Variants in UNC5C observed in about 807,000 individuals in gnomAD.
UNC5C encodes the protein netrin receptor UNC5C.
A neutral mutation model predicts 99.8 loss-of-function variants in UNC5C; 47 were observed. The observed-to-expected ratio is 0.47, with a 90% CI of 0.37 to 0.60. The LOEUF (loss-of-function observed/expected upper bound fraction) is 0.60. Among genes scored for constraint, UNC5C ranks in the 20% least tolerant of loss-of-function variants. The pLI, the probability that UNC5C is intolerant of heterozygous loss-of-function variation, is 0.00. For missense variants in UNC5C, 1,062 were observed against 1,165.9 expected (o/e 0.91, Z 1.30); for synonymous variants, 487 against 452.2 (o/e 1.08, Z -0.98).
chr4:95,176,516 T>C (rs1014630991), intron 14 of UNC5C, among the ~76,000 whole-genome samples: 12 of 152,218 alleles, frequency 7.9e-5, no homozygotes, highest in African/African-American at 2.9e-4. Context: ...GAGGTGTCAG[T>C]CTGCCCCTGC....
At chr4:95,540,102 G>A (rs1239267815) in intron 1 of UNC5C, among the ~76,000 whole-genome samples, 3 of 152,074 alleles carry the variant, frequency 2.0e-5, no homozygotes, top group African/African-American at 7.2e-5. Context: ...GAGGATACTA[G>A]TATAGCACTG....
At chr4:95,423,396 C>T (rs1027362765) in intron 1 of UNC5C, among the ~76,000 whole-genome samples, 1 of 152,150 alleles carries the variant, frequency 6.6e-6, no homozygotes, top group African/African-American at 2.4e-5. Flanking sequence ...TCTCAGCTCA[C>T]CTTTCTCAAT....
intron 5 of UNC5C, among the ~76,000 whole-genome samples, chr4:95,245,802 C>T (rs554868680): frequency 8.5e-5 from 13 of 152,256 alleles, no homozygotes; most frequent in African/African-American, 2.6e-4. Flanking sequence ...GATTGTAAAA[C>T]CTACACCGTA....
chr4:95,385,556 G>C (rs1304055450), intron 1 of UNC5C, among the ~76,000 whole-genome samples: 1 of 152,122 alleles, frequency 6.6e-6, no homozygotes, highest in African/African-American at 2.4e-5. Flanking sequence ...TCTTCTGTTA[G>C]AGAGAGGAAA....
chr4:95,447,102 TA>T (rs1442201038), intron 1 of UNC5C, among the ~76,000 whole-genome samples: 1 of 152,234 alleles, frequency 6.6e-6, no homozygotes, highest in African/African-American at 2.4e-5. Flanking sequence ...CATAATGTTG[TA>T]TTTTATCTAG....
At position 95,450,906 on chromosome 4, in the gene UNC5C, C is replaced by T. The variant is rs140306857; in HGVS notation, c.124+97828G>A. 4.5e-3 allele frequency among the ~76,000 whole-genome samples: 688 copies of T among 152,230 alleles called. 4 individuals are homozygous for T. Among genetic ancestry groups the T allele is most frequent in the South Asian group, 0.037 (178 of 4,824 alleles). ...GAAGACCAGGACAATCACCTTTTCC[C>T]TCATAAGCATGCCCCAAAAGACTAA... is the stretch of plus-strand genomic sequence containing the variant. On this transcript the variant is annotated intron_variant, in intron 1 of 15. Coordinates refer to ENST00000453304, the MANE Select transcript of UNC5C (RefSeq NM_003728.4).
rs775433817 is a variant in UNC5C, at chr4:95,219,135, G to T, written c.1479C>A (p.Asp493Glu). ...ACAGCTTGGACGTAAACTCAGAGAG[G>T]TCATCTTGGGGGGTGACAGCACCTG... Reference protein sequence around the residue: ...NTSGAVTPQDDLSEFTSKLSP... With the variant: ...NTSGAVTPQDELSEFTSKLSP... The change falls in exon 9 of 16, where the codon GAC becomes GAA. Residue 493 changes from aspartate to glutamate, a missense_variant. By Grantham distance (45) the Asp-to-Glu change is conservative (BLOSUM62 2). Around this residue, in one of 3 missense-constraint regions of UNC5C, gnomAD observed 810 missense variants for 854.5 expected, o/e 0.95. Coordinates refer to ENST00000453304, the MANE Select transcript of UNC5C (RefSeq NM_003728.4). 5 of 1,614,136 alleles carry T rather than the reference G, an allele frequency of 3.1e-6. No individual in the cohort carries two copies. Among genetic ancestry groups the T allele is most frequent in the Non-Finnish European group, 3.4e-6 (4 of 1,180,024 alleles).
rs539015268 is a variant in UNC5C, at chr4:95,436,601, T to C, written c.125-100970A>G. Among the ~76,000 whole-genome samples the C allele has an allele frequency of 1.1e-4, 16 of 152,052 alleles. No homozygotes were observed. In the South Asian group the frequency reaches 2.5e-3, roughly 24 times the overall value. ...GGTCACTCAACAAAAGGCCCCAGGT[T>C]GTTTCTCTTAATTAAGTCTAGGAGT... On this transcript the variant is annotated intron_variant, in intron 1 of 15. Coordinates refer to ENST00000453304, the MANE Select transcript of UNC5C (RefSeq NM_003728.4).
In UNC5C at chr4:95,215,484, G is replaced by A. The variant is rs555190554; in HGVS notation, c.1733+640C>T. The stretch of plus-strand genomic sequence containing the variant: ...AAAATTGAATTTAGGACTTCTCAAT[G>A]CCTCTTGTTATTTTTACTTAAAATA... On this transcript the variant is annotated intron_variant, in intron 10 of 15. Coordinates refer to ENST00000453304, the MANE Select transcript of UNC5C (RefSeq NM_003728.4). 8.6e-4 allele frequency among the ~76,000 whole-genome samples: 131 copies of A among 152,238 alleles called. 1 individual carries two copies. Among genetic ancestry groups the A allele is most frequent in the African/African-American group, 3.0e-3 (125 of 41,550 alleles).
Position 95,169,363 on chromosome 4 carries a change from A to G in UNC5C, c.2667T>C (p.Thr889=). ...LNYFATKSSP[T]GVILDLWEAQ... ...CTTCCCAAAGATCCAGGATTACGCC[A>G]GTTGGGCTGGATTTGGTGGCAAAGT... Residue 889 remains threonine (T), a synonymous_variant, in exon 16 of 16, where the codon ACT becomes ACC. Coordinates refer to ENST00000453304, the MANE Select transcript of UNC5C (RefSeq NM_003728.4). The G allele has an allele frequency of 6.2e-7, 1 of 1,614,192 alleles. No homozygotes were observed. Among genetic ancestry groups the G allele is most frequent in the East Asian group, 2.2e-5 (1 of 44,888 alleles).
At chr4:95,463,964 T>A (rs1747691699) in intron 1 of UNC5C, among the ~76,000 whole-genome samples, 1 of 152,210 alleles carries the variant, frequency 6.6e-6, no homozygotes, top group Non-Finnish European at 1.5e-5. Context: ...AGCATTTTAA[T>A]AAAATAACTG....
chr4:95,175,318 G>C (rs530279625), intron 14 of UNC5C, among the ~76,000 whole-genome samples: 2,073 of 152,084 alleles, frequency 0.014, 37 homozygotes, highest in African/African-American at 0.046. Flanking sequence ...CTCGTTAGTT[G>C]ATGCAGTTTC....
rs1578187078 is a variant in UNC5C at position 95,481,535 on chromosome 4, A to T, written c.124+67199T>A. On this transcript the variant is annotated intron_variant, in intron 1 of 15. Transcript: ENST00000453304. ...TTTAAAGTTCATATGGAACCAAAAA[A>T]GAGCCCACATCGCCAAGTCAATCCT... Among the ~76,000 whole-genome samples, 5 of 152,176 alleles carry T rather than the reference A, an allele frequency of 3.3e-5. No homozygotes were observed. In the South Asian group the frequency reaches 1.0e-3, roughly 32 times the overall value.
rs17023762 is a variant in UNC5C, at chr4:95,399,286, C to T, written c.125-63655G>A. Among the ~76,000 whole-genome samples, 415 of 152,226 alleles carry T rather than the reference C, an allele frequency of 2.7e-3. 4 individuals carry two copies. The highest frequency in any genetic ancestry group is 9.4e-3 in the African/African-American group (392 of 41,550). ...GATTAAATACCAATTACTTTAATTT[C>T]GGCAGTGTCTTCCCTAGAGACTACC... On this transcript the variant is annotated intron_variant, in intron 1 of 15. Transcript: ENST00000453304.
chr4:95,547,406 G>C (rs981487548), intron 1 of UNC5C, among the ~76,000 whole-genome samples: 1 of 152,134 alleles, frequency 6.6e-6, no homozygotes, highest in South Asian at 2.1e-4. Flanking sequence ...CCCACCCCCA[G>C]CGCCTCTCTA....
At chr4:95,347,778 GA>G (rs1369690469) in intron 1 of UNC5C, among the ~76,000 whole-genome samples, 1 of 151,914 alleles carries the variant, frequency 6.6e-6, no homozygotes, top group Non-Finnish European at 1.5e-5. Context: ...GTAAAGAATT[GA>G]ATCTAAGACC....
intron 10 of UNC5C, among the ~76,000 whole-genome samples, chr4:95,210,721 C>T (rs941390643): frequency 6.6e-6 from 1 of 152,110 alleles, no homozygotes; most frequent in African/African-American, 2.4e-5. Flanking sequence ...GGATAATATT[C>T]CAGTAAATGC....
chr4:95,362,881 A>G (rs1744438526), intron 1 of UNC5C, among the ~76,000 whole-genome samples: 1 of 152,214 alleles, frequency 6.6e-6, no homozygotes, highest in Admixed American at 6.5e-5. Flanking sequence ...AGGAGTTTAT[A>G]GGCAAGTGGA....
Position 95,357,375 on chromosome 4 carries a change from A to G in UNC5C, c.125-21744T>C, listed in dbSNP as rs527921641. Among the ~76,000 whole-genome samples, 7 of 152,156 alleles carry G rather than the reference A, an allele frequency of 4.6e-5. No homozygotes were observed. The East Asian group carries it at 1.2e-3, about 25-fold the overall frequency. On this transcript the variant is annotated intron_variant, in intron 1 of 15. Coordinates refer to ENST00000453304, the MANE Select transcript of UNC5C (RefSeq NM_003728.4). ...CAGGCTGGTCTCAAACTCGGCCTCA[A>G]GCCACCCTCCTCAGCCTCCCAAAGT...
Sources: allele counts gnomAD v4.1 joint callset (sites outside exome capture counted in the v4.1 genomes callset), GRCh38; gene constraint gnomAD v4.1.1; regional missense constraint gnomAD v4.1.1; transcripts MANE v1.5; gene names NCBI Gene and HGNC (gene_info 2026-07-23, HGNC 2026-07-21).